KDM4B: variants seen among roughly 807,000 people sequenced by gnomAD.
KDM4B encodes the protein lysine-specific demethylase 4B.
Under a neutral mutation model 125.2 loss-of-function variants are expected in KDM4B, and 32 were observed. That is an observed-to-expected ratio of 0.26 (90% CI 0.19 to 0.34). The LOEUF (loss-of-function observed/expected upper bound fraction) is 0.34. Among genes scored for constraint, KDM4B ranks in the 10% least tolerant of loss-of-function variants. The probability of loss-of-function intolerance (pLI) is 1.00; values close to 1 mark genes in which losing one functional copy is unlikely to be tolerated. For missense variants in KDM4B, 1,190 were observed against 1,577.7 expected, an observed-to-expected ratio of 0.75 and a Z score of 4.16; for synonymous variants, 721 against 677.9, an observed-to-expected ratio of 1.06 and a Z score of -0.99.
chr19:5,043,678 CG>C (rs2036915416), intron 5 of KDM4B, among the ~76,000 whole-genome samples: 1 of 139,626 alleles, frequency 7.2e-6, no homozygotes, highest in Admixed American at 7.2e-5. Flanking sequence ...GGGTGTCCAC[CG>C]TATCCTGCGT....
chr19:4,994,020 G>GTTTTTTTT (rs55641886), intron 1 of KDM4B, among the ~76,000 whole-genome samples: 667 of 66,490 alleles, frequency 0.01, 2 homozygotes, highest in Middle Eastern at 0.032. Flanking sequence ...TTTTCAGCCT[G>GTTTTTTTT]TTTTTTTTTT....
rs754414783 is a variant in KDM4B at position 5,047,532 on chromosome 19, C to T, written c.489C>T (p.Arg163=). ...GGACCATCCTGGACATGGTGGAGCG[C>T]GAGTGCGGCACCATCATCGAGGGCG... ...SLRTILDMVE[R]ECGTIIEGVN... The change falls in exon 6 of 23, where the codon CGC becomes CGT. Residue 163 remains arginine, a synonymous_variant. Coordinates refer to ENST00000159111, the MANE Select transcript of KDM4B (RefSeq NM_015015.3). 25 of 1,613,648 alleles carry T rather than the reference C, an allele frequency of 1.5e-5. No homozygotes were observed. Among genetic ancestry groups the T allele is most frequent in the East Asian group, 2.2e-5 (1 of 44,866 alleles).
rs56120747 is a variant in KDM4B, at chr19:5,114,089, A to G, written c.1115+3271A>G. The G allele has an allele frequency of 3.8e-4, 487 of 1,286,068 alleles. No individual in the cohort carries two copies. Among genetic ancestry groups the G allele is most frequent in the Non-Finnish European group, 4.8e-4 (473 of 987,756 alleles). 79.7% of individuals were successfully genotyped at this position (1,286,068 alleles called of 1,614,324 possible). A position where few individuals can be genotyped will look rare whatever the true frequency, so the allele number is the denominator to read the frequency against. Reference sequence around the variant, plus strand: ...CCTGGCGGGTGCCCTCAGCCTCCCCACTCCCGGTGGCGCTGTGCGTTCTGG... The same window carrying G: ...CCTGGCGGGTGCCCTCAGCCTCCCCGCTCCCGGTGGCGCTGTGCGTTCTGG... On this transcript the variant is annotated intron_variant, in intron 10 of 22. Transcript: ENST00000159111. This position sits in a 1 kb window ranked among gnomAD's most constrained non-coding sequence, Gnocchi z 5.8.
chr19:5,093,974 C>G (rs2038765956), intron 9 of KDM4B, among the ~76,000 whole-genome samples: 1 of 152,244 alleles, frequency 6.6e-6, no homozygotes, highest in African/African-American at 2.4e-5. Context: ...TATCCTCTCT[C>G]AGTTCTGGAG....
intron 11 of KDM4B, among the ~76,000 whole-genome samples, chr19:5,126,548 G>GCCAGCCC (rs1342978689): frequency 2.6e-5 from 4 of 152,242 alleles, no homozygotes; most frequent in African/African-American, 9.6e-5. Context: ...GAGTGGGGCA[G>GCCAGCCC]CCAGCCCCCA....
chr19:5,032,852 G>A lies in KDM4B; in HGVS notation c.-25-14G>A, dbSNP rs373863976. 7.5e-6 allele frequency: 12 copies of A among 1,608,408 alleles called. No homozygotes were observed. Among genetic ancestry groups the A allele is most frequent in the Admixed American group, 6.7e-5 (4 of 59,706 alleles). ...CGGCACCGCTGGTTCACCCTCTCTC[G>A]TCTTCCTCCACAGGTGTGCTTCCCG... On this transcript the variant is annotated splice_polypyrimidine_tract_variant and intron_variant, in intron 2 of 22. Transcript: ENST00000159111.
intron 1 of KDM4B, among the ~76,000 whole-genome samples, chr19:5,007,126 A>G (rs993956895): frequency 6.6e-6 from 1 of 152,126 alleles, no homozygotes; most frequent in Non-Finnish European, 1.5e-5. Flanking sequence ...CCTCGTGAGC[A>G]CCCCCTGCCA....
chr19:4,993,603 G>A (rs1568212706), intron 1 of KDM4B, among the ~76,000 whole-genome samples: 1 of 151,572 alleles, frequency 6.6e-6, no homozygotes, highest in South Asian at 2.1e-4. Context: ...TTTATCTCTA[G>A]TAACTTTTTT....
intron 3 of KDM4B, among the ~76,000 whole-genome samples, chr19:5,037,449 C>T (rs1032402678): frequency 2.0e-5 from 3 of 152,172 alleles, no homozygotes; most frequent in African/African-American, 4.8e-5. Context: ...TCTAAGAGAA[C>T]GGCAGCCCCG....
At chr19:5,043,130 G>T (rs2036875423) in intron 5 of KDM4B, among the ~76,000 whole-genome samples, 1 of 151,708 alleles carries the variant, frequency 6.6e-6, no homozygotes, top group Admixed American at 6.6e-5. Flanking sequence ...TCGGAGTGGG[G>T]TGTCCACCTT....
At chr19:5,038,759 C>G (rs2145652884) in intron 3 of KDM4B, among the ~76,000 whole-genome samples, 1 of 152,356 alleles carries the variant, frequency 6.6e-6, no homozygotes, top group African/African-American at 2.4e-5. Flanking sequence ...ATTCCTCCCA[C>G]CCAGGAGATG....
At chr19:5,004,273 C>G (rs887657923) in intron 1 of KDM4B, among the ~76,000 whole-genome samples, 1 of 152,184 alleles carries the variant, frequency 6.6e-6, no homozygotes. Context: ...CACGCCGGCC[C>G]CTGGCACTTT....
chr19:5,038,169 A>C (rs1199745895), intron 3 of KDM4B, among the ~76,000 whole-genome samples: 2 of 151,808 alleles, frequency 1.3e-5, no homozygotes, highest in Non-Finnish European at 2.9e-5. Context: ...GGCCCGGTCG[A>C]CTCCTGGAAG....
chr19:4,988,417 AG>A (rs2034918864), intron 1 of KDM4B, among the ~76,000 whole-genome samples: 2 of 152,144 alleles, frequency 1.3e-5, no homozygotes, highest in Admixed American at 1.3e-4. Context: ...CTGGGACTAC[AG>A]GTGCCCGCCA....
Position 5,088,062 on chromosome 19 carries a change from C to T in KDM4B, c.918+5558C>T, listed in dbSNP as rs1231626330. ...TTATCCAACCTGCTCTTCACGCCCA[C>T]CTGTGGGGAGAGAAGCCCATTCCTT... On this transcript the variant is annotated intron_variant, in intron 9 of 22. Coordinates refer to ENST00000159111, the MANE Select transcript of KDM4B (RefSeq NM_015015.3). Among the ~76,000 whole-genome samples, 12 of 152,348 alleles carry T rather than the reference C, an allele frequency of 7.9e-5. No homozygotes were observed. The South Asian group carries it at 2.1e-3, about 26-fold the overall frequency.
intron 6 of KDM4B, among the ~76,000 whole-genome samples, chr19:5,055,208 C>A (rs2037358282): frequency 6.6e-6 from 1 of 152,218 alleles, no homozygotes; most frequent in Non-Finnish European, 1.5e-5. Context: ...TGGGAGAACA[C>A]CTCTCGGCCA....
At chr19:5,039,777 C>G in intron 3 of KDM4B, 59 bp from the exon 4 acceptor site, 1 of 1,569,450 alleles carries the variant, frequency 6.4e-7, no homozygotes, top group Non-Finnish European at 8.7e-7. Flanking sequence ...GCACAGTCTG[C>G]TCTCTGGCCC....
Position 5,009,285 on chromosome 19 carries a change from G to A in KDM4B, c.-108-6972G>A, listed in dbSNP as rs1356335621. On this transcript the variant is annotated intron_variant, in intron 1 of 22. Coordinates refer to ENST00000159111, the MANE Select transcript of KDM4B (RefSeq NM_015015.3). ...ATTTTGGTATCAATAAGGATATGAA[G>A]GTTTTGGTGACATATTTCTAAATAA... 3.9e-5 allele frequency among the ~76,000 whole-genome samples: 6 copies of A among 152,186 alleles called. No individual in the cohort carries two copies. In the East Asian group the frequency reaches 1.2e-3, roughly 29 times the overall value.
intron 9 of KDM4B, among the ~76,000 whole-genome samples, chr19:5,091,550 TC>T (rs1269698122): frequency 6.6e-6 from 1 of 152,122 alleles, no homozygotes; most frequent in East Asian, 1.9e-4. Context: ...GGATGGGGGC[TC>T]CGGCAGGAAC....
Sources: gnomAD v4.1 joint callset for allele counts (sites outside exome capture counted in the v4.1 genomes callset) on GRCh38, gnomAD v4.1.1 for gene constraint, Gnocchi (gnomAD v3.1) non-coding constraint, MANE v1.5 for transcripts, NCBI Gene and HGNC (gene_info 2026-07-23, HGNC 2026-07-21) for gene names.